Variants in PIP5K1B observed in about 807,000 individuals in gnomAD.
PIP5K1B encodes phosphatidylinositol 4-phosphate 5-kinase type-1 beta.
Under a neutral mutation model 67.0 loss-of-function variants are expected in PIP5K1B, and 42 were observed. That is an observed-to-expected ratio of 0.63 (90% confidence interval 0.49 to 0.81). The LOEUF is 0.81. PIP5K1B is among the 30% of genes least tolerant of loss of function. The pLI, the probability that PIP5K1B is intolerant of heterozygous loss-of-function variation, is 0.00. For synonymous variants in PIP5K1B, 214 were observed against 231.4 expected, an observed-to-expected ratio of 0.92 and a Z score of 0.68; for missense variants, 459 against 646.3, an observed-to-expected ratio of 0.71 and a Z score of 3.14.
intron 6 of PIP5K1B, among the ~76,000 whole-genome samples, chr9:68,878,860 G>A (rs7046065): frequency 0.91 from 138,724 of 152,168 alleles, 63,503 homozygotes; most frequent in Non-Finnish European, 0.95. Flanking sequence ...TAAAAACTAC[G>A]AGGGATTTTA....
rs140560684 is a variant in PIP5K1B, at chr9:68,751,401, A to C, written c.-86+8744A>C. On this transcript the variant is annotated intron_variant, in intron 2 of 15. Coordinates refer to ENST00000265382, the MANE Select transcript of PIP5K1B (RefSeq NM_003558.4). ...TTTCTTGCATAAACCTTGCCTGCCA[A>C]AGAAGGGTCTGCATAGAGAACCTAT... Among the ~76,000 whole-genome samples the C allele has an allele frequency of 1.7e-3, 264 of 152,328 alleles. 1 individual carries two copies. Among genetic ancestry groups the C allele is most frequent in the Admixed American group, 4.6e-3 (70 of 15,300 alleles).
At chr9:68,811,273 G>T (rs1833149027) in intron 2 of PIP5K1B, among the ~76,000 whole-genome samples, 1 of 152,008 alleles carries the variant, frequency 6.6e-6, no homozygotes, top group African/African-American at 2.4e-5. Context: ...TTTCTGTTTT[G>T]TTTTATGGCC....
At chr9:68,824,477 A>G (rs550604915) in intron 4 of PIP5K1B, among the ~76,000 whole-genome samples, 5 of 152,344 alleles carry the variant, frequency 3.3e-5, no homozygotes, top group African/African-American at 7.2e-5. Flanking sequence ...ATCAAATTCT[A>G]TGGTAGGAGA....
intron 12 of PIP5K1B, among the ~76,000 whole-genome samples, chr9:68,925,126 A>ATT (rs1366852367): frequency 1.3e-5 from 2 of 149,036 alleles, no homozygotes; most frequent in African/African-American, 4.9e-5. Context: ...ACGTAATCTA[A>ATT]TTTTTTTTTT....
intron 6 of PIP5K1B, among the ~76,000 whole-genome samples, chr9:68,882,587 C>T (rs1391044949): frequency 6.6e-6 from 1 of 151,896 alleles, no homozygotes; most frequent in Non-Finnish European, 1.5e-5. Context: ...GGTCTGAATC[C>T]AGTTTTTTCT....
intron 4 of PIP5K1B, among the ~76,000 whole-genome samples, chr9:68,857,023 G>A (rs1822813426): frequency 6.6e-6 from 1 of 152,218 alleles, no homozygotes; most frequent in Middle Eastern, 3.2e-3. Flanking sequence ...AGTCACAGAA[G>A]ATGTGATGAG....
rs1826507083 is a variant in PIP5K1B at position 68,923,337 on chromosome 9, A to G, written c.1152A>G (p.Ala384=). The change falls in exon 12 of 16, where the codon GCA becomes GCG. Residue 384 remains alanine (A), a synonymous_variant. Coordinates refer to ENST00000265382, the MANE Select transcript of PIP5K1B (RefSeq NM_003558.4). The part of the protein sequence containing the change: ...TVSVHRPSFY[A]DRFLKFMNSR... ...CTGTTCATAGACCAAGCTTTTATGC[A>G]GACAGATTTCTTAAGTTCATGAATT... The G allele has an allele frequency of 1.2e-6, 2 of 1,604,146 alleles. No homozygotes were observed. Among genetic ancestry groups the G allele is most frequent in the Non-Finnish European group, 1.7e-6 (2 of 1,174,746 alleles).
chr9:68,722,011 C>G (rs1249469498), intron 1 of PIP5K1B, among the ~76,000 whole-genome samples: 1 of 152,088 alleles, frequency 6.6e-6, no homozygotes, highest in Non-Finnish European at 1.5e-5. Flanking sequence ...CACTCTGCCT[C>G]CCTAGAAGTG....
intron 2 of PIP5K1B, among the ~76,000 whole-genome samples, chr9:68,750,988 G>C (rs1449740447): frequency 6.6e-6 from 1 of 152,200 alleles, no homozygotes; most frequent in East Asian, 1.9e-4. Flanking sequence ...GACTGCCTGG[G>C]AGTGCCTTTC....
Position 68,991,150 on chromosome 9 carries a change from C to T in PIP5K1B, c.1513C>T (p.Pro505Ser). Residue 505 changes from proline (P) to serine (S), a missense_variant, in exon 15 of 16, where the codon CCT (proline) becomes TCT (serine). By Grantham distance (74) the Pro-to-Ser change is moderately conservative (BLOSUM62 -1). Around this residue, in one of 2 missense-constraint regions of PIP5K1B, gnomAD observed 169 missense variants for 171.9 expected, o/e 0.98. Transcript: ENST00000265382. ...TCTTTATTTTTCCAGCAAAGGGTTA[C>T]CTTCCAGTTCAACATTTACCTTGGA... Reference protein sequence around the residue: ...PTLYSNSKGLPSSSTFTLEEG... With the variant: ...PTLYSNSKGLSSSSTFTLEEG... The T allele has an allele frequency of 6.3e-7, 1 of 1,592,518 alleles. No homozygotes were observed. Among genetic ancestry groups the T allele is most frequent in the Non-Finnish European group, 8.6e-7 (1 of 1,160,386 alleles).
chr9:68,941,007 A>G, intron 14 of PIP5K1B: 2 of 649,462 alleles, frequency 3.1e-6, no homozygotes, highest in East Asian at 3.1e-5. Context: ...TCATTATGTC[A>G]TGTAGAAATT....
intron 1 of PIP5K1B, among the ~76,000 whole-genome samples, chr9:68,716,207 T>C (rs1008992558): frequency 6.6e-6 from 1 of 152,222 alleles, no homozygotes; most frequent in Non-Finnish European, 1.5e-5. Flanking sequence ...CTGAAAAGAA[T>C]TCCTGTCTTC....
chr9:68,888,609 A>T (rs1824605827), intron 6 of PIP5K1B, among the ~76,000 whole-genome samples: 2 of 152,220 alleles, frequency 1.3e-5, no homozygotes, highest in South Asian at 4.1e-4. Context: ...TGTTCAAGTG[A>T]TAAAACACAG....
At chr9:68,977,868 C>T (rs967382297) in intron 14 of PIP5K1B, among the ~76,000 whole-genome samples, 2 of 151,828 alleles carry the variant, frequency 1.3e-5, no homozygotes, top group Admixed American at 1.3e-4. Flanking sequence ...AGGCTGGTCT[C>T]GAACTCCTGA....
intron 1 of PIP5K1B, chr9:68,727,694 G>A (rs995854800): frequency 2.0e-5 from 3 of 152,266 alleles, no homozygotes; most frequent in African/African-American, 7.2e-5. Flanking sequence ...GTAAGGAGAC[G>A]TAGAAGCACT....
rs1587471348 is a variant in PIP5K1B at position 68,800,415 on chromosome 9, C to G, written c.-85-18046C>G. Among the ~76,000 whole-genome samples the G allele has an allele frequency of 2.6e-5, 4 of 152,190 alleles. No individual in the cohort carries two copies. In the South Asian group the frequency reaches 8.3e-4, roughly 32 times the overall value. On this transcript the variant is annotated intron_variant, in intron 2 of 15. Coordinates refer to ENST00000265382, the MANE Select transcript of PIP5K1B (RefSeq NM_003558.4). ...TTAAATGGATGAGTAATCCAGTTTT[C>G]CTTGTTTTCTGTGGCATGGGGAAGA... is the stretch of plus-strand genomic sequence containing the variant.
chr9:68,750,805 AG>A (rs1016203206), intron 2 of PIP5K1B, among the ~76,000 whole-genome samples: 5 of 152,194 alleles, frequency 3.3e-5, no homozygotes, highest in African/African-American at 1.2e-4. Context: ...AGGTGGCACA[AG>A]GGGGCAGGTT....
rs180796580 is a variant in PIP5K1B, at chr9:68,802,065, T to A, written c.-85-16396T>A. Among the ~76,000 whole-genome samples, 91 of 152,350 alleles carry A rather than the reference T, an allele frequency of 6.0e-4. 1 individual carries two copies. Among genetic ancestry groups the A allele is most frequent in the Admixed American group, 3.4e-3 (52 of 15,310 alleles). On this transcript the variant is annotated intron_variant, in intron 2 of 15. Transcript: ENST00000265382. The stretch of plus-strand genomic sequence containing the variant: ...CTTTCTCATATTTCTAAAATAGATA[T>A]GAGTTGCATTTATAATGATTTTTAA...
chr9:68,706,730 G>A (rs1827143103), intron 1 of PIP5K1B, among the ~76,000 whole-genome samples: 1 of 152,138 alleles, frequency 6.6e-6, no homozygotes, highest in African/African-American at 2.4e-5. Context: ...TTAAGGGACC[G>A]GTAGGACCTC....
Sources: gnomAD v4.1 joint callset for allele counts (sites outside exome capture counted in the v4.1 genomes callset) on GRCh38, gnomAD v4.1.1 for gene constraint, gnomAD v4.1.1 regional missense constraint, MANE v1.5 for transcripts, NCBI Gene and HGNC (gene_info 2026-07-23, HGNC 2026-07-21) for gene names.